The following COL7A1 variants were observed in gnomAD, a reference collection of about 807,000 sequenced individuals.
The protein encoded by COL7A1 is collagen type VII alpha 1 chain, also known as collagen alpha-1(VII) chain.
COL7A1 carries 296 observed loss-of-function variants against 456.2 expected under a neutral mutation model. The observed-to-expected ratio is 0.65, with a 90% CI of 0.59 to 0.71. COL7A1 has a LOEUF of 0.71. COL7A1 is among the 30% of genes least tolerant of loss of function. COL7A1 has a pLI of 0.00. For missense variants in COL7A1, 3,441 were observed against 4,017.2 expected (o/e 0.86, Z 3.88); for synonymous variants, 1,464 against 1,525.9 (o/e 0.96, Z 0.95).
In COL7A1 at chr3:48,576,771, C is replaced by G. The variant is rs1057517724; in HGVS notation, c.5605G>C (p.Gly1869Arg). The change falls in exon 68 of 119, where the codon GGT becomes CGT. Residue 1869 changes from glycine to arginine, a missense_variant and splice_region_variant. Coordinates refer to ENST00000681320, the MANE Select transcript of COL7A1 (RefSeq NM_000094.4). ...KGDSGASGRE[G>R]RDGPKGERGA... ...CGCTCACCCTTGGGGCCATCACGAC[C>G]CTGTGAAGGATGCAGCCAGCATCAG... 1 of 1,613,636 alleles carries G rather than the reference C, an allele frequency of 6.2e-7. No individual in the cohort carries two copies.
In COL7A1 at chr3:48,590,674, C is replaced by T. The variant is rs1350202099; in HGVS notation, c.1779G>A (p.Arg593=). Residue 593 remains arginine, a splice_region_variant and synonymous_variant, in exon 14 of 119, where the codon CGG becomes CGA. Transcript: ENST00000681320. This position sits in a 1 kb window ranked among gnomAD's most constrained non-coding sequence, Gnocchi z 4.6. ...EGSASVLTVR[R]EPETPLAVPG... is the part of the protein sequence containing the mutation. ...CCACAAGCCTCCTGCAGTACTCACC[C>T]CGGCGGACAGTGAGGACACTGGCAC... 6 of 1,613,990 alleles carry T rather than the reference C, an allele frequency of 3.7e-6. No homozygotes were observed. The highest frequency in any genetic ancestry group is 4.2e-6 in the Non-Finnish European group (5 of 1,180,026).
chr3:48,569,487 G>C lies in COL7A1; in HGVS notation c.7615-41C>G. 6.2e-7 allele frequency: 1 copy of C among 1,612,934 alleles called. No homozygotes were observed. The highest frequency in any genetic ancestry group is 8.5e-7 in the Non-Finnish European group (1 of 1,178,860). On this transcript the variant is annotated intron_variant, in intron 102 of 118. Transcript: ENST00000681320. The surrounding 1 kb of genome is among the most constrained non-coding windows in gnomAD (Gnocchi z 4.9). ...TAAGAAGTCACGGTAAGGGGCTGAA[G>C]GTCCCTCACCCTCTGGGAGTTTGAG...
Position 48,569,825 on chromosome 3 carries a change from C to T in COL7A1, c.7521+55G>A, listed in dbSNP as rs1390886954. On this transcript the variant is annotated intron_variant, in intron 100 of 118. Transcript: ENST00000681320. This position sits in a 1 kb window ranked among gnomAD's most constrained non-coding sequence, Gnocchi z 4.9. ...AGGCCCCGCACCTGAATTCTAATAT[C>T]ATACAAGATCCACTCACCCCCCCAC... 1.9e-6 allele frequency: 3 copies of T among 1,614,026 alleles called. No homozygotes were observed. Among genetic ancestry groups the T allele is most frequent in the Non-Finnish European group, 2.5e-6 (3 of 1,180,020 alleles).
intron 44 of COL7A1, 115 bp downstream of exon 44, chr3:48,582,898 G>T: frequency 6.8e-7 from 1 of 1,476,464 alleles, no homozygotes; most frequent in Non-Finnish European, 9.5e-7. Flanking sequence ...GCAGGGATAA[G>T]TGGTCATTGA....
In COL7A1 at chr3:48,588,022, G is replaced by T. The variant is rs1161027578; in HGVS notation, c.2711-83C>A. 2.7e-6 allele frequency: 4 copies of T among 1,480,160 alleles called. No homozygotes were observed. The highest frequency in any genetic ancestry group is 3.7e-6 in the Non-Finnish European group (4 of 1,092,920). The allele number at this position is 1,480,160 out of a possible 1,614,324, so 91.7% of individuals were successfully genotyped here. ...ATTAAAGGGCCTGCCCACTTCACTG[G>T]CTCTGTTAACTGGGTTCACCCTCCT... On this transcript the variant is annotated intron_variant, in intron 21 of 118. Transcript: ENST00000681320. The surrounding 1 kb of genome is among the most constrained non-coding windows in gnomAD (Gnocchi z 4.6).
chr3:48,580,590 A>G lies in COL7A1; in HGVS notation c.5043T>C (p.Asp1681=). The part of the protein sequence containing the change: ...EKGDQGDPGE[D]GRNGSPGSSG... ...ATAGGCTGGGACTCACATTTCGTCC[A>G]TCCTCTCCAGGATCTCCCTGGTCTC... Residue 1681 remains aspartate, a synonymous_variant, in exon 55 of 119, where the codon GAT becomes GAC. Coordinates refer to ENST00000681320, the MANE Select transcript of COL7A1 (RefSeq NM_000094.4). The surrounding 1 kb of genome is among the most constrained non-coding windows in gnomAD (Gnocchi z 4.5). 6.2e-7 allele frequency: 1 copy of G among 1,613,846 alleles called. No individual in the cohort carries two copies. The highest frequency in any genetic ancestry group is 8.5e-7 in the Non-Finnish European group (1 of 1,179,926).
rs748742964 is a variant in COL7A1 at position 48,571,473 on chromosome 3, G to A, written c.7069-195C>T. The A allele has an allele frequency of 5.7e-5, 42 of 742,486 alleles. No individual in the cohort carries two copies. Among genetic ancestry groups the A allele is most frequent in the Admixed American group, 5.0e-4 (25 of 49,864 alleles). The allele number at this position is 742,486 out of a possible 1,614,324, so 46.0% of individuals were successfully genotyped here. A position where few individuals can be genotyped will look rare whatever the true frequency, so the allele number is the denominator to read the frequency against. On this transcript the variant is annotated intron_variant, in intron 92 of 118. Transcript: ENST00000681320. The surrounding 1 kb of genome is among the most constrained non-coding windows in gnomAD (Gnocchi z 4.6). Reference sequence around the variant, plus strand: ...CTCAGGACAGCACAGACAGAGGGACGCTCAGATACTACCATAGACAGGTGG... The same window carrying A: ...CTCAGGACAGCACAGACAGAGGGACACTCAGATACTACCATAGACAGGTGG...
In COL7A1 at chr3:48,581,291, G is replaced by A. The variant is rs1389689632; in HGVS notation, c.4868C>T (p.Pro1623Leu). The change falls in exon 52 of 119, where the codon CCC becomes CTC. Residue 1623 changes from proline (P) to leucine (L), a missense_variant. Pro to Leu is a moderately conservative substitution (Grantham distance 98). This residue lies in a region of COL7A1 where 2,084 missense variants were observed against 2,501.3 expected (regional missense o/e 0.83). Coordinates refer to ENST00000681320, the MANE Select transcript of COL7A1 (RefSeq NM_000094.4). This position sits in a 1 kb window ranked among gnomAD's most constrained non-coding sequence, Gnocchi z 5.8. The part of the protein sequence containing the change: ...GEKGDPGRPG[P>L]PGPVGPRGRD... The stretch of plus-strand genomic sequence containing the variant: ...TCCTCGGGGGCCAACAGGTCCTGGG[G>A]GGCCAGGCCGCCCAGGGTCTCCCTT... 4.3e-6 allele frequency: 7 copies of A among 1,613,514 alleles called. No individual in the cohort carries two copies. In the South Asian group the frequency reaches 7.7e-5, roughly 18 times the overall value.
In COL7A1 at chr3:48,567,795, G is replaced by T. The variant is rs369383524; in HGVS notation, c.7930-32C>A. On this transcript the variant is annotated intron_variant, in intron 107 of 118. Coordinates refer to ENST00000681320, the MANE Select transcript of COL7A1 (RefSeq NM_000094.4). The surrounding 1 kb of genome is among the most constrained non-coding windows in gnomAD (Gnocchi z 4.3). ...GCATCAGGCAGTGGGGTGAGCCTTA[G>T]GCCCCAGGCCACGTAGCCCCCCAGC... 2.5e-6 allele frequency: 4 copies of T among 1,614,014 alleles called. No individual in the cohort carries two copies. The African/African-American group carries it at 5.3e-5, about 22-fold the overall frequency.
At position 48,579,410 on chromosome 3, in the gene COL7A1, G is replaced by T. The variant is rs1420016603; in HGVS notation, c.5272-6C>A. 2 of 1,614,094 alleles carry T rather than the reference G, an allele frequency of 1.2e-6. No homozygotes were observed. Among genetic ancestry groups the T allele is most frequent in the African/African-American group, 2.7e-5 (2 of 74,938 alleles). On this transcript the variant is annotated splice_polypyrimidine_tract_variant and splice_region_variant and intron_variant, in intron 60 of 118. Coordinates refer to ENST00000681320, the MANE Select transcript of COL7A1 (RefSeq NM_000094.4). This position sits in a 1 kb window ranked among gnomAD's most constrained non-coding sequence, Gnocchi z 4.4. ...CCTCGGACACCTGGGTCCCCCTGGA[G>T]GGAACAGGGTCAGATAAGAGGTGAG...
chr3:48,592,692 A>G lies in COL7A1; in HGVS notation c.854T>C (p.Val285Ala), dbSNP rs753791461. The G allele has an allele frequency of 8.1e-6, 13 of 1,613,766 alleles. No homozygotes were observed. The South Asian group carries it at 1.2e-4, about 15-fold the overall frequency. ...PLPSERQEVN[V>A]PAGETSVRLR... ...CCGCACACTGGTCTCACCAGCTGGGACGTTCACCTGCCCAGGGCAAGAGGT... is the reference window on the plus strand; with the variant it reads ...CCGCACACTGGTCTCACCAGCTGGGGCGTTCACCTGCCCAGGGCAAGAGGT... The change falls in exon 8 of 119, where the codon GTC becomes GCC. Residue 285 changes from valine to alanine, a missense_variant. Val to Ala is a moderately conservative substitution (Grantham distance 64). Transcript: ENST00000681320. The surrounding 1 kb of genome is among the most constrained non-coding windows in gnomAD (Gnocchi z 7.6).
chr3:48,571,201 C>G lies in COL7A1; in HGVS notation c.7105-41G>C, dbSNP rs2107650311. 6.2e-7 allele frequency: 1 copy of G among 1,614,120 alleles called. No individual in the cohort carries two copies. The stretch of plus-strand genomic sequence containing the variant: ...GCATCGGATCAAGCTCAGGGAGTCT[C>G]ACGACCAGGACCCCAGCAGGGACCC... On this transcript the variant is annotated intron_variant, in intron 93 of 118. Transcript: ENST00000681320. The surrounding 1 kb of genome is among the most constrained non-coding windows in gnomAD (Gnocchi z 4.6).
Position 48,588,502 on chromosome 3 carries a change from G to C in COL7A1, c.2588-98C>G, listed in dbSNP as rs533466457. The C allele has an allele frequency of 2.5e-6, 4 of 1,596,994 alleles. No individual in the cohort carries two copies. The African/African-American group carries it at 5.4e-5, about 21-fold the overall frequency. ...CACACGCACCCCGCCCAGCCTCTCA[G>C]ACCCCTCTCCCTCCTCTCAGACCCT... On this transcript the variant is annotated intron_variant, in intron 20 of 118. Transcript: ENST00000681320. This position sits in a 1 kb window ranked among gnomAD's most constrained non-coding sequence, Gnocchi z 4.6.
Position 48,573,127 on chromosome 3 carries a change from G to A in COL7A1, c.6714+47C>T. 4 of 1,614,014 alleles carry A rather than the reference G, an allele frequency of 2.5e-6. No homozygotes were observed. Among genetic ancestry groups the A allele is most frequent in the Non-Finnish European group, 3.4e-6 (4 of 1,179,924 alleles). ...CGACATGAGAGAACATGGGCCCCAA[G>A]GAGTGAAAACACGGTGTCCCTACAG... On this transcript the variant is annotated intron_variant, in intron 85 of 118. Coordinates refer to ENST00000681320, the MANE Select transcript of COL7A1 (RefSeq NM_000094.4). This position sits in a 1 kb window ranked among gnomAD's most constrained non-coding sequence, Gnocchi z 5.5.
In COL7A1 at chr3:48,593,109, G is replaced by A. The variant is rs756726621; in HGVS notation, c.675C>T (p.Thr225=). 30 of 1,613,976 alleles carry A rather than the reference G, an allele frequency of 1.9e-5. No individual in the cohort carries two copies. Among genetic ancestry groups the A allele is most frequent in the African/African-American group, 5.3e-5 (4 of 74,898 alleles). Residue 225 remains threonine, a synonymous_variant, in exon 6 of 119, where the codon ACC becomes ACT. Transcript: ENST00000681320. This position sits in a 1 kb window ranked among gnomAD's most constrained non-coding sequence, Gnocchi z 4.4. ...GTGTGGGCAGGAACTCACGAGGTCG[G>A]GTCACAGGCACGCCACCAGCAGTCG... The part of the protein sequence containing the change: ...VCTTAGGVPV[T]RPPDDSTSAP...
Position 48,580,047 on chromosome 3 carries a change from C to T in COL7A1, c.5108G>A (p.Gly1703Glu), listed in dbSNP as rs770304825. ...AGCCCTTACCAGCCGTCCCGGGGGT[C>T]CTGGGGGACCCTGGGAAAGGAAATG... is the stretch of plus-strand genomic sequence containing the variant. ...KGDRGEPGPPGPPGRLVDTGP... is the reference protein window; with the variant it reads ...KGDRGEPGPPEPPGRLVDTGP... Residue 1703 changes from glycine to glutamate, a missense_variant, in exon 57 of 119, where the codon GGA (glycine) becomes GAA (glutamate). Physicochemically the swap from Gly to Glu is moderately conservative, Grantham distance 98. Coordinates refer to ENST00000681320, the MANE Select transcript of COL7A1 (RefSeq NM_000094.4). This position sits in a 1 kb window ranked among gnomAD's most constrained non-coding sequence, Gnocchi z 4.5. 1.2e-6 allele frequency: 2 copies of T among 1,613,932 alleles called. No homozygotes were observed. Among genetic ancestry groups the T allele is most frequent in the Admixed American group, 1.7e-5 (1 of 60,014 alleles).
In COL7A1 at chr3:48,572,277, T is replaced by A. The variant is rs1028092145; in HGVS notation, c.6978+103A>T. ...TAAATATGCGGTCTACTATGAAAGC[T>A]GAGGGTCATGAGGGTGGGTAAACTA... is the stretch of plus-strand genomic sequence containing the variant. On this transcript the variant is annotated intron_variant, in intron 90 of 118. Transcript: ENST00000681320. The surrounding 1 kb of genome is among the most constrained non-coding windows in gnomAD (Gnocchi z 4.6). The A allele has an allele frequency of 2.5e-6, 4 of 1,611,226 alleles. No homozygotes were observed. The highest frequency in any genetic ancestry group is 2.5e-6 in the Non-Finnish European group (3 of 1,177,426).
chr3:48,579,330 C>A lies in COL7A1; in HGVS notation c.5307+39G>T, dbSNP rs748899932. The A allele has an allele frequency of 3.5e-5, 56 of 1,614,052 alleles. No individual in the cohort carries two copies. Among genetic ancestry groups the A allele is most frequent in the Non-Finnish European group, 4.3e-5 (51 of 1,180,036 alleles). ...ACCAAGGCTGAGGTGGATCTGATAA[C>A]CCAGGCTCATGTCCTGAGAAACCCC... On this transcript the variant is annotated intron_variant, in intron 61 of 118. Transcript: ENST00000681320. This position sits in a 1 kb window ranked among gnomAD's most constrained non-coding sequence, Gnocchi z 4.4.
At position 48,594,713 on chromosome 3, in the gene COL7A1, C is replaced by T. The variant is rs1258500761; in HGVS notation, c.86-165G>A. On this transcript the variant is annotated intron_variant, in intron 2 of 118. Coordinates refer to ENST00000681320, the MANE Select transcript of COL7A1 (RefSeq NM_000094.4). The surrounding 1 kb of genome is among the most constrained non-coding windows in gnomAD (Gnocchi z 5.5). The stretch of plus-strand genomic sequence containing the variant: ...TGAGGGCCTTGGAGGGAGTTGAGCT[C>T]GGTGGGTCCCAGAGCAGACTCCCGC... Among the ~76,000 whole-genome samples, 6 of 152,090 alleles carry T rather than the reference C, an allele frequency of 3.9e-5. No homozygotes were observed. Among genetic ancestry groups the T allele is most frequent in the Admixed American group, 3.9e-4 (6 of 15,268 alleles).
Sources: allele counts gnomAD v4.1 joint callset (sites outside exome capture counted in the v4.1 genomes callset), GRCh38; gene constraint gnomAD v4.1.1; regional missense constraint gnomAD v4.1.1; non-coding constraint Gnocchi (gnomAD v3.1); transcripts MANE v1.5; gene names NCBI Gene and HGNC (gene_info 2026-07-23, HGNC 2026-07-21).